The following THADA variants were observed in gnomAD, a reference collection of about 807,000 sequenced individuals.
THADA encodes THADA armadillo repeat containing, also known as tRNA (32-2'-O)-methyltransferase regulator THADA.
In THADA, 213 loss-of-function variants were observed where a neutral mutation model predicts 219.8. The observed-to-expected ratio is 0.97, with a 90% CI of 0.87 to 1.09. The LOEUF (loss-of-function observed/expected upper bound fraction) is 1.09, where lower values mean the gene tolerates loss of function less well. Among genes scored for constraint, THADA ranks in the 50% least tolerant of loss-of-function variants. The probability of loss-of-function intolerance (pLI) is 0.00; values close to 1 mark genes in which losing one functional copy is unlikely to be tolerated. For synonymous variants in THADA, 1,018 were observed against 828.9 expected, an observed-to-expected ratio of 1.23 and a Z score of -3.92; for missense variants, 2,956 against 2,311.3, an observed-to-expected ratio of 1.28 and a Z score of -5.72.
chr2:43,265,601 A>G (rs1047010740), intron 36 of THADA, among the ~76,000 whole-genome samples: 30 of 152,150 alleles, frequency 2.0e-4, no homozygotes, highest in African/African-American at 7.2e-4. Flanking sequence ...TCTGCCTGCC[A>G]AGCAAGGCAT....
chr2:43,576,337 A>G (rs1297852792), intron 10 of THADA, among the ~76,000 whole-genome samples: 1 of 152,238 alleles, frequency 6.6e-6, no homozygotes, highest in Non-Finnish European at 1.5e-5. Flanking sequence ...TATGGCAAAA[A>G]CACCACAAAA....
intron 26 of THADA, among the ~76,000 whole-genome samples, chr2:43,451,688 T>C (rs904325377): frequency 2.6e-5 from 4 of 152,228 alleles, no homozygotes; most frequent in African/African-American, 9.6e-5. Context: ...TCTAAAGATA[T>C]ATACAAGATT....
intron 36 of THADA, among the ~76,000 whole-genome samples, chr2:43,241,712 G>A (rs1359355761): frequency 6.6e-6 from 1 of 152,058 alleles, no homozygotes; most frequent in Non-Finnish European, 1.5e-5. Flanking sequence ...TGCTGGAGCA[G>A]AGCGGTGGCC....
intron 31 of THADA, among the ~76,000 whole-genome samples, chr2:43,305,461 C>T (rs1427459911): frequency 6.6e-6 from 1 of 152,214 alleles, no homozygotes; most frequent in East Asian, 1.9e-4. Context: ...ACCCCATCAT[C>T]TCTGCTTACA....
intron 29 of THADA, among the ~76,000 whole-genome samples, chr2:43,351,960 G>T (rs1027383717): frequency 3.9e-5 from 6 of 152,230 alleles, no homozygotes; most frequent in Non-Finnish European, 7.3e-5. Context: ...TTGGACAGTG[G>T]TGTCAGATAG....
At chr2:43,377,901 C>T (rs1481553748) in intron 29 of THADA, among the ~76,000 whole-genome samples, 2 of 152,080 alleles carry the variant, frequency 1.3e-5, no homozygotes. Flanking sequence ...CCGCAAAAGG[C>T]AGAATTCACA....
chr2:43,283,960 C>T (rs955893328), intron 35 of THADA, among the ~76,000 whole-genome samples: 2 of 152,160 alleles, frequency 1.3e-5, no homozygotes, highest in African/African-American at 4.8e-5. Context: ...GGGTGGATTG[C>T]CTGAGGTCAG....
At chr2:43,493,681 A>C (rs894552701) in intron 25 of THADA, among the ~76,000 whole-genome samples, 1 of 152,176 alleles carries the variant, frequency 6.6e-6, no homozygotes, top group African/African-American at 2.4e-5. Flanking sequence ...TGATATTTTT[A>C]AACAAAAACT....
chr2:43,320,834 A>T (rs1678622245), intron 30 of THADA, among the ~76,000 whole-genome samples: 1 of 152,240 alleles, frequency 6.6e-6, no homozygotes, highest in African/African-American at 2.4e-5. Flanking sequence ...ATCCTATCTT[A>T]GTTAGTTGAA....
intron 31 of THADA, among the ~76,000 whole-genome samples, chr2:43,295,295 G>T (rs1169954308): frequency 6.6e-6 from 1 of 152,178 alleles, no homozygotes; most frequent in Admixed American, 6.5e-5. Flanking sequence ...TAAAAATGTG[G>T]GCAAGCTGGA....
chr2:43,354,403 CAATA>C (rs561087907), intron 29 of THADA, among the ~76,000 whole-genome samples: 2 of 151,732 alleles, frequency 1.3e-5, no homozygotes, highest in Non-Finnish European at 2.9e-5. Context: ...TTTAAATGTA[CAATA>C]AATTATTGTT....
intron 23 of THADA, among the ~76,000 whole-genome samples, chr2:43,506,592 G>T (rs1689695540): frequency 6.6e-6 from 1 of 152,166 alleles, no homozygotes; most frequent in African/African-American, 2.4e-5. Context: ...GAGAGAAATG[G>T]GAAGTGACTG....
intron 28 of THADA, among the ~76,000 whole-genome samples, chr2:43,407,724 T>C (rs1675741974): frequency 6.6e-6 from 1 of 152,178 alleles, no homozygotes; most frequent in South Asian, 2.1e-4. Context: ...GTAGGAATAT[T>C]TACTGAGTGC....
chr2:43,267,956 C>G lies in THADA; in HGVS notation c.5296+11809G>C, dbSNP rs149857194. On this transcript the variant is annotated intron_variant, in intron 36 of 37. Coordinates refer to ENST00000405975, the MANE Select transcript of THADA (RefSeq NM_022065.5). The stretch of plus-strand genomic sequence containing the variant: ...CAAGATACACCCCAAGCTGACAGCC[C>G]TGGTTGTACTCCAGTAACTTCAGTA... Among the ~76,000 whole-genome samples the G allele has an allele frequency of 1.9e-3, 287 of 152,304 alleles. 1 individual carries two copies. The highest frequency in any genetic ancestry group is 6.5e-3 in the African/African-American group (269 of 41,562).
intron 36 of THADA, among the ~76,000 whole-genome samples, chr2:43,262,835 C>G (rs1572825707): frequency 6.6e-6 from 1 of 152,208 alleles, no homozygotes; most frequent in South Asian, 2.1e-4. Context: ...CATGCCTTAC[C>G]TAGGCCCACA....
intron 10 of THADA, among the ~76,000 whole-genome samples, chr2:43,576,284 A>G (rs1236680702): frequency 6.6e-6 from 1 of 152,220 alleles, no homozygotes; most frequent in African/African-American, 2.4e-5. Flanking sequence ...ATCAAGCTGT[A>G]TATATGTTTC....
At chr2:43,427,716 G>A (rs962980354) in intron 28 of THADA, among the ~76,000 whole-genome samples, 4 of 149,456 alleles carry the variant, frequency 2.7e-5, no homozygotes, top group African/African-American at 9.8e-5. Flanking sequence ...CAGCACTTTG[G>A]GAGAATGAGG....
chr2:43,483,465 A>C (rs1394873314), intron 26 of THADA, among the ~76,000 whole-genome samples: 1 of 152,212 alleles, frequency 6.6e-6, no homozygotes, highest in East Asian at 1.9e-4. Context: ...AGGGAACAGA[A>C]GCCTTGTACA....
At chr2:43,513,861 T>C (rs1301719356) in intron 22 of THADA, among the ~76,000 whole-genome samples, 1 of 151,920 alleles carries the variant, frequency 6.6e-6, no homozygotes, top group Admixed American at 6.6e-5. Flanking sequence ...AATAACTATG[T>C]TTAGGATACT....
Sources: allele counts gnomAD v4.1 joint callset (sites outside exome capture counted in the v4.1 genomes callset), GRCh38; gene constraint gnomAD v4.1.1; transcripts MANE v1.5; gene names NCBI Gene and HGNC (gene_info 2026-07-23, HGNC 2026-07-21).